Variants in MFSD8 observed in about 807,000 individuals in gnomAD.
MFSD8 encodes the protein major facilitator superfamily domain-containing protein 8.
A neutral mutation model predicts 66.4 loss-of-function variants in MFSD8; 55 were observed. The observed-to-expected ratio is 0.83, with a 90% CI of 0.67 to 1.04. The LOEUF (loss-of-function observed/expected upper bound fraction) is 1.04, where lower values mean the gene tolerates loss of function less well. Ranked by LOEUF, MFSD8 falls within the 50% of genes least tolerant of loss-of-function variation. MFSD8 has a pLI of 0.00. For missense variants in MFSD8, 550 were observed against 627.6 expected (o/e 0.88, Z 1.32); for synonymous variants, 202 against 212.8 (o/e 0.95, Z 0.44).
intron 7 of MFSD8, 118 bp from the exon 8 acceptor site, chr4:127,933,211 T>G (rs1738462622): frequency 2.5e-6 from 2 of 804,816 alleles, no homozygotes; most frequent in African/African-American, 3.5e-5. Context: ...AAAAAAATTT[T>G]TAGGCTTCAA....
intron 7 of MFSD8, among the ~76,000 whole-genome samples, chr4:127,935,048 A>G (rs867600695): frequency 7.2e-5 from 11 of 152,224 alleles, no homozygotes; most frequent in Middle Eastern, 3.4e-3. Flanking sequence ...TTCCTCCTCC[A>G]ACAATAAGTA....
At chr4:127,939,109 G>A (rs899091359) in intron 6 of MFSD8, 1 of 253,116 alleles carries the variant, frequency 4.0e-6, no homozygotes, top group Non-Finnish European at 7.5e-6. Context: ...GTTTTACAGT[G>A]ATTATAAACA....
chr4:127,956,872 G>T (rs917172244), intron 2 of MFSD8, among the ~76,000 whole-genome samples: 3 of 151,452 alleles, frequency 2.0e-5, no homozygotes, highest in Non-Finnish European at 4.4e-5. Context: ...GAAAGTGTTA[G>T]GGACTCTTAG....
At chr4:127,941,705 G>A (rs1740223045) in intron 5 of MFSD8, among the ~76,000 whole-genome samples, 1 of 152,080 alleles carries the variant, frequency 6.6e-6, no homozygotes. Flanking sequence ...CAGGTGATCT[G>A]CCTTCCACAG....
rs956369478 is a variant in MFSD8, at chr4:127,944,009, A to G, written c.199-17T>C. 24 of 1,613,992 alleles carry G rather than the reference A, an allele frequency of 1.5e-5. No homozygotes were observed. Among genetic ancestry groups the G allele is most frequent in the African/African-American group, 9.3e-5 (7 of 74,950 alleles). ...CGGATCAATCTGCAGAAAAAGGTAC[A>G]GTGCTTTAAGAATTGTTATCCAAGA... On this transcript the variant is annotated splice_polypyrimidine_tract_variant and intron_variant, in intron 3 of 11. Transcript: ENST00000641686.
chr4:127,939,677 G>A lies in MFSD8; in HGVS notation c.698+176C>T, dbSNP rs1739809462. Reference sequence around the variant, plus strand: ...TTCCTTTTCTGTTCTCATTTATCAGGTTGTCTTTTGGTTGCCAGTATTACA... The same window carrying A: ...TTCCTTTTCTGTTCTCATTTATCAGATTGTCTTTTGGTTGCCAGTATTACA... On this transcript the variant is annotated intron_variant, in intron 6 of 11. Transcript: ENST00000641686. 2.6e-5 allele frequency: 11 copies of A among 426,208 alleles called. No individual in the cohort carries two copies. The South Asian group carries it at 4.0e-4, about 15-fold the overall frequency. The allele number at this position is 426,208 out of a possible 1,614,324, so 26.4% of individuals were successfully genotyped here.
At chr4:127,964,834 T>A in intron 1 of MFSD8, 1 of 607,720 alleles carries the variant, frequency 1.6e-6, no homozygotes, top group Non-Finnish European at 2.9e-6. Flanking sequence ...AGCAGCAGCC[T>A]GGGTTTCTCC....
chr4:127,931,053 C>G (rs1354243025), intron 8 of MFSD8, among the ~76,000 whole-genome samples: 1 of 151,996 alleles, frequency 6.6e-6, no homozygotes, highest in Non-Finnish European at 1.5e-5. Flanking sequence ...AATTATATAA[C>G]TAATATAGCC....
At chr4:127,921,439 T>C in intron 11 of MFSD8, 85 bp downstream of exon 11, 2 of 1,601,486 alleles carry the variant, frequency 1.2e-6, no homozygotes, top group Non-Finnish European at 1.7e-6. Flanking sequence ...AATCAGTCTG[T>C]GTAAAAATAG....
intron 3 of MFSD8, among the ~76,000 whole-genome samples, chr4:127,948,103 A>C (rs945738189): frequency 3.3e-5 from 5 of 152,166 alleles, no homozygotes; most frequent in Non-Finnish European, 7.3e-5. Context: ...TATTATTAAA[A>C]TATTGAAAGG....
At chr4:127,930,575 CA>C (rs977634611) in intron 9 of MFSD8, 107 bp downstream of exon 9, 109 of 1,254,504 alleles carry the variant, frequency 8.7e-5, no homozygotes, top group Middle Eastern at 2.7e-4. Flanking sequence ...AATTTGTGTG[CA>C]AAAAAAAGCT....
chr4:127,965,035 AGGAGACTGAGG>A, intron 1 of MFSD8, 26 bp downstream of exon 1: 1 of 1,608,422 alleles, frequency 6.2e-7, no homozygotes, highest in Non-Finnish European at 8.5e-7. Context: ...CCAACAGCGC[AGGAGACTGAGG>A]GGTCCCTCCA....
intron 2 of MFSD8, among the ~76,000 whole-genome samples, chr4:127,951,526 C>G (rs114900093): frequency 0.02 from 3,052 of 152,232 alleles, 113 homozygotes; most frequent in African/African-American, 0.071. Flanking sequence ...CTGCGCCCAG[C>G]CATTACTGTC....
At chr4:127,952,422 AAAAT>A (rs1401475369) in intron 2 of MFSD8, among the ~76,000 whole-genome samples, 4 of 152,118 alleles carry the variant, frequency 2.6e-5, no homozygotes, top group Non-Finnish European at 5.9e-5. Context: ...TAAATAAATA[AAAAT>A]AAATAAATAT....
intron 5 of MFSD8, among the ~76,000 whole-genome samples, chr4:127,941,038 T>C (rs1740103770): frequency 1.3e-5 from 2 of 152,272 alleles, no homozygotes; most frequent in South Asian, 4.1e-4. Flanking sequence ...GTAAAAAATA[T>C]TTACTAAGAA....
At chr4:127,963,090 A>C (rs1744065233) in intron 1 of MFSD8, among the ~76,000 whole-genome samples, 1 of 152,242 alleles carries the variant, frequency 6.6e-6, no homozygotes, top group Non-Finnish European at 1.5e-5. Context: ...ACTGCCCATA[A>C]ACTAGGATCA....
chr4:127,922,731 C>T (rs1468941479), intron 9 of MFSD8, among the ~76,000 whole-genome samples: 1 of 152,106 alleles, frequency 6.6e-6, no homozygotes, highest in Non-Finnish European at 1.5e-5. Flanking sequence ...AATAATCAAG[C>T]CTTTATCCTG....
intron 7 of MFSD8, among the ~76,000 whole-genome samples, chr4:127,935,144 C>T (rs1405432028): frequency 6.6e-6 from 1 of 152,168 alleles, no homozygotes; most frequent in Non-Finnish European, 1.5e-5. Flanking sequence ...TGTAATCACA[C>T]AAAGAGAACT....
chr4:127,952,738 C>CTA (rs1742200431), intron 2 of MFSD8, among the ~76,000 whole-genome samples: 1 of 151,436 alleles, frequency 6.6e-6, no homozygotes, highest in Non-Finnish European at 1.5e-5. Context: ...GGCGTGGTGG[C>CTA]AGGCACCTGT....
Sources: allele counts gnomAD v4.1 joint callset (sites outside exome capture counted in the v4.1 genomes callset), GRCh38; gene constraint gnomAD v4.1.1; transcripts MANE v1.5; gene names NCBI Gene and HGNC (gene_info 2026-07-23, HGNC 2026-07-21).